The following EXPH5 variants were observed in gnomAD, a reference collection of about 807,000 sequenced individuals.
EXPH5 encodes the protein exophilin 5, also known as exophilin-5.
EXPH5 carries 42 observed loss-of-function variants against 41.1 expected under a neutral mutation model. That is an observed-to-expected ratio of 1.02 (90% confidence interval 0.80 to 1.32). The LOEUF (loss-of-function observed/expected upper bound fraction) is 1.32, where lower values mean the gene tolerates loss of function less well. Ranked by LOEUF, EXPH5 falls within the 40% of genes most tolerant of loss-of-function variation. The pLI, the probability that EXPH5 is intolerant of heterozygous loss-of-function variation, is 0.00. For missense variants in EXPH5, 2,298 were observed against 2,314.5 expected (o/e 0.99, Z 0.15); for synonymous variants, 798 against 833.5 (o/e 0.96, Z 0.73).
chr11:108,505,521 G>A lies in EXPH5; in HGVS notation c.*4016C>T, dbSNP rs1162435336. The A allele has an allele frequency of 1.3e-5, 2 of 152,138 alleles. No homozygotes were observed. The highest frequency in any genetic ancestry group is 4.8e-5 in the African/African-American group (2 of 41,432). 9.4% of individuals were successfully genotyped at this position (152,138 alleles called of 1,614,324 possible). ...CATTTCATAACCAGAGAACAGGTCT[G>A]AGAACAAGTACATAAAAGGATTATT... On this transcript the variant is annotated 3_prime_UTR_variant, in exon 6 of 6. Transcript: ENST00000265843.
chr11:108,544,824 G>C (rs780085745), intron 1 of EXPH5, among the ~76,000 whole-genome samples: 8 of 151,990 alleles, frequency 5.3e-5, no homozygotes, highest in Non-Finnish European at 1.2e-4. Context: ...TCCCCCTTTT[G>C]GGCACACACA....
Position 108,513,646 on chromosome 11 carries a change from G to C in EXPH5, c.1861C>G (p.Gln621Glu), listed in dbSNP as rs749031770. The change falls in exon 6 of 6, where the codon CAG becomes GAG. Residue 621 changes from glutamine (Q) to glutamate (E), a missense_variant. Gln to Glu is a conservative substitution (Grantham distance 29). Coordinates refer to ENST00000265843, the MANE Select transcript of EXPH5 (RefSeq NM_015065.3). ...NKEASSFGIAQTLASSFKTSF... is the reference protein window; with the variant it reads ...NKEASSFGIAETLASSFKTSF... ...GTTTTGAATGAGGATGCTAGAGTCT[G>C]AGCAATTCCAAATGAGGAAGCTTCT... The C allele has an allele frequency of 1.9e-6, 3 of 1,611,938 alleles. No individual in the cohort carries two copies. The highest frequency in any genetic ancestry group is 2.5e-6 in the Non-Finnish European group (3 of 1,179,206).
chr11:108,528,189 G>T lies in EXPH5; in HGVS notation c.444-5C>A. 6.2e-7 allele frequency: 1 copy of T among 1,606,680 alleles called. No homozygotes were observed. Among genetic ancestry groups the T allele is most frequent in the Non-Finnish European group, 8.5e-7 (1 of 1,173,766 alleles). Reference sequence around the variant, plus strand: ...GGTCCTGCATGGCCATCACATCTGTGGAAATAATTTGAAATGATTTCTTTG... The same window carrying T: ...GGTCCTGCATGGCCATCACATCTGTTGAAATAATTTGAAATGATTTCTTTG... On this transcript the variant is annotated splice_region_variant and splice_polypyrimidine_tract_variant and intron_variant, in intron 3 of 5. Coordinates refer to ENST00000265843, the MANE Select transcript of EXPH5 (RefSeq NM_015065.3).
chr11:108,513,738 T>G lies in EXPH5; in HGVS notation c.1769A>C (p.Tyr590Ser), dbSNP rs749302338. ...TACCAACTCACTAGATTTGACGTGA[T>G]AGCTTGAACCAGTCATGGAGCAAAC... ...PNVCSMTGSS[Y>S]HVKSSELVSQ... is the part of the protein sequence containing the mutation. The change falls in exon 6 of 6, where the codon TAT becomes TCT. Residue 590 changes from tyrosine (Y) to serine (S), a missense_variant. By Grantham distance (144) the Tyr-to-Ser change is moderately radical. Coordinates refer to ENST00000265843, the MANE Select transcript of EXPH5 (RefSeq NM_015065.3). The G allele has an allele frequency of 1.2e-6, 2 of 1,611,830 alleles. No individual in the cohort carries two copies. Among genetic ancestry groups the G allele is most frequent in the East Asian group, 2.2e-5 (1 of 44,884 alleles).
Position 108,519,185 on chromosome 11 carries a change from A to ACC in EXPH5, c.493-813_493-812insGG, listed in dbSNP as rs201440910. On this transcript the variant is annotated intron_variant, in intron 4 of 5. Transcript: ENST00000265843. ...TCTCTTGGGGTCTGGATCCAGTATTACTTTTCTGGTAATATCTTCCTGGCG... is the reference window on the plus strand; with the variant it reads ...TCTCTTGGGGTCTGGATCCAGTATTACCCTTTTCTGGTAATATCTTCCTGGCG... 6.7e-3 allele frequency among the ~76,000 whole-genome samples: 1,022 copies of ACC among 152,124 alleles called. 9 individuals are homozygous for ACC. Among genetic ancestry groups the ACC allele is most frequent in the African/African-American group, 0.023 (970 of 41,472 alleles).
chr11:108,591,895 C>A (rs1400547171), intron 1 of EXPH5, among the ~76,000 whole-genome samples: 1 of 152,216 alleles, frequency 6.6e-6, no homozygotes, highest in Non-Finnish European at 1.5e-5. Context: ...TTCTAACTCT[C>A]CCCTCAATTT....
upstream of EXPH5, among the ~76,000 whole-genome samples, chr11:108,594,100 A>T (rs565724119): frequency 3.3e-5 from 5 of 152,340 alleles, no homozygotes; most frequent in South Asian, 8.3e-4. Flanking sequence ...AGAAAATAGA[A>T]TTGCAAGTAG....
At chr11:108,587,096 A>C (rs34403786) in intron 1 of EXPH5, among the ~76,000 whole-genome samples, 56,715 of 147,162 alleles carry the variant, frequency 0.39, 10,899 homozygotes, top group Middle Eastern at 0.51. Flanking sequence ...GCTGTGCTAA[A>C]CAGGAAGGAA....
In EXPH5 at chr11:108,511,056, C is replaced by T. The variant is rs760324571; in HGVS notation, c.4451G>A (p.Gly1484Asp). ...DGSSGSQPREGRGDIGTNCQK... is the reference protein window; with the variant it reads ...DGSSGSQPREDRGDIGTNCQK... ...GCAGTTGGTTCCAATGTCCCCTCTG[C>T]CTTCCCTAGGCTGTGATCCACTGGA... The change falls in exon 6 of 6, where the codon GGC becomes GAC. Residue 1484 changes from glycine to aspartate, a missense_variant. Transcript: ENST00000265843. The T allele has an allele frequency of 1.2e-6, 2 of 1,614,134 alleles. No individual in the cohort carries two copies. Among genetic ancestry groups the T allele is most frequent in the Non-Finnish European group, 1.7e-6 (2 of 1,180,008 alleles).
At chr11:108,584,138 C>A (rs1413868642) in intron 1 of EXPH5, among the ~76,000 whole-genome samples, 1 of 152,102 alleles carries the variant, frequency 6.6e-6, no homozygotes, top group Non-Finnish European at 1.5e-5. Flanking sequence ...TTATTTAACT[C>A]AGTAAAACAC....
intron 1 of EXPH5, among the ~76,000 whole-genome samples, chr11:108,579,546 A>AC (rs1235967948): frequency 4.6e-5 from 7 of 152,004 alleles, no homozygotes; most frequent in African/African-American, 1.7e-4. Context: ...AGTAAAAAAA[A>AC]AAAAAAGTAA....
At chr11:108,537,079 G>T (rs2136017793) in intron 3 of EXPH5, among the ~76,000 whole-genome samples, 1 of 152,274 alleles carries the variant, frequency 6.6e-6, no homozygotes, top group Middle Eastern at 3.4e-3. Context: ...TTCTATTTCA[G>T]ATCAACACTG....
rs778629800 is a variant in EXPH5 at position 108,511,555 on chromosome 11, C to A, written c.3952G>T (p.Val1318Phe). ...TPSCENLKMS[V>F]NSDQTLTTEN... ...GTGGTGAGCGTCTGATCAGAGTTGA[C>A]GGACATCTTTAGATTTTCACATGAA... The change falls in exon 6 of 6, where the codon GTC (valine) becomes TTC (phenylalanine). Residue 1318 changes from valine (V) to phenylalanine (F), a missense_variant. Transcript: ENST00000265843. The A allele has an allele frequency of 6.2e-7, 1 of 1,612,784 alleles. No individual in the cohort carries two copies. The highest frequency in any genetic ancestry group is 1.3e-5 in the African/African-American group (1 of 74,982).
rs370428228 is a variant in EXPH5, at chr11:108,511,509, C to T, written c.3998G>A (p.Arg1333Gln). The T allele has an allele frequency of 2.8e-5, 44 of 1,595,318 alleles. No homozygotes were observed. The highest frequency in any genetic ancestry group is 2.0e-4 in the African/African-American group (15 of 73,814). The change falls in exon 6 of 6, where the codon CGA becomes CAA. Residue 1333 changes from arginine (R) to glutamine (Q), a missense_variant. Transcript: ENST00000265843. ...AGCTAGGGGCCCCCTATTTGATAATCGGAAGGCAGTCATATTTTCAGTGGT... is the reference window on the plus strand; with the variant it reads ...AGCTAGGGGCCCCCTATTTGATAATTGGAAGGCAGTCATATTTTCAGTGGT... ...TLTTENMTAF[R>Q]LSNRGPLAPT...
chr11:108,597,818 C>T (rs543761424), upstream of EXPH5, among the ~76,000 whole-genome samples: 1 of 151,742 alleles, frequency 6.6e-6, no homozygotes, highest in East Asian at 1.9e-4. Flanking sequence ...GGAAAAAGAC[C>T]AAAGAAATTT....
chr11:108,576,876 T>A (rs2094081461), intron 1 of EXPH5, among the ~76,000 whole-genome samples: 1 of 152,206 alleles, frequency 6.6e-6, no homozygotes, highest in Admixed American at 6.5e-5. Context: ...GTCCTTTTCA[T>A]CCTCCCTTCC....
At chr11:108,570,483 G>C (rs2094055383) in intron 1 of EXPH5, among the ~76,000 whole-genome samples, 1 of 152,028 alleles carries the variant, frequency 6.6e-6, no homozygotes, top group African/African-American at 2.4e-5. Context: ...TCAAACTCCT[G>C]ACCTTAAGTG....
chr11:108,535,125 G>A (rs2093871121), intron 3 of EXPH5, among the ~76,000 whole-genome samples: 1 of 152,180 alleles, frequency 6.6e-6, no homozygotes, highest in African/African-American at 2.4e-5. Context: ...CAGAGTGGGA[G>A]GAAGCTAAGC....
At chr11:108,591,068 C>G (rs748982508) in intron 1 of EXPH5, among the ~76,000 whole-genome samples, 5 of 152,182 alleles carry the variant, frequency 3.3e-5, no homozygotes, top group Non-Finnish European at 7.3e-5. Flanking sequence ...TAAACTTCCC[C>G]ATTTGGACCC....
Sources: allele counts gnomAD v4.1 joint callset (sites outside exome capture counted in the v4.1 genomes callset), GRCh38; gene constraint gnomAD v4.1.1; transcripts MANE v1.5; gene names NCBI Gene and HGNC (gene_info 2026-07-23, HGNC 2026-07-21).